The following KCNB2 variants were observed in gnomAD, a reference collection of about 807,000 sequenced individuals.
The protein encoded by KCNB2 is potassium voltage-gated channel subfamily B member 2.
In KCNB2, 15 loss-of-function variants were observed where a neutral mutation model predicts 61.5. The observed-to-expected ratio is 0.24, with a 90% CI of 0.16 to 0.38. The LOEUF is 0.38. Among genes scored for constraint, KCNB2 ranks in the 10% least tolerant of loss-of-function variants. The pLI is 1.00. For missense variants in KCNB2, 828 were observed against 1,125.2 expected (o/e 0.74, Z 3.78); for synonymous variants, 457 against 446.0 (o/e 1.02, Z -0.31).
At chr8:72,693,470 A>G (rs1806971245) in intron 2 of KCNB2, among the ~76,000 whole-genome samples, 1 of 152,182 alleles carries the variant, frequency 6.6e-6, no homozygotes, top group East Asian at 1.9e-4. Flanking sequence ...TACAGGGAGC[A>G]TAAATCCTAT....
At chr8:72,893,360 T>A (rs568332780) in intron 2 of KCNB2, among the ~76,000 whole-genome samples, 1 of 152,338 alleles carries the variant, frequency 6.6e-6, no homozygotes, top group East Asian at 1.9e-4. Flanking sequence ...CTCTGTCAAG[T>A]ATTTTATAAC....
intron 2 of KCNB2, among the ~76,000 whole-genome samples, chr8:72,872,871 G>A (rs1237052048): frequency 6.6e-6 from 1 of 152,198 alleles, no homozygotes; most frequent in Non-Finnish European, 1.5e-5. Flanking sequence ...GTGTGGGCCA[G>A]CTCTGTCCTA....
intron 2 of KCNB2, among the ~76,000 whole-genome samples, chr8:72,595,133 T>G (rs1807167237): frequency 6.6e-6 from 1 of 151,934 alleles, no homozygotes; most frequent in Admixed American, 6.6e-5. Flanking sequence ...CAACAAGTCC[T>G]AACTCCCTAA....
At chr8:72,870,893 C>T (rs1454221751) in intron 2 of KCNB2, among the ~76,000 whole-genome samples, 1 of 152,192 alleles carries the variant, frequency 6.6e-6, no homozygotes. Flanking sequence ...GAGAGGATCA[C>T]TTGAGCCTGG....
Position 72,689,226 on chromosome 8 carries a change from G to A in KCNB2, c.579+120913G>A, listed in dbSNP as rs75917068. On this transcript the variant is annotated intron_variant, in intron 2 of 2. Transcript: ENST00000523207. ...CTAACTGTTATGTGACAAGCACTGA[G>A]CTTAGCAGTATAGAGAGAAAGTCAT... Among the ~76,000 whole-genome samples, 707 of 152,234 alleles carry A rather than the reference G, an allele frequency of 4.6e-3. 7 individuals carry two copies. Among genetic ancestry groups the A allele is most frequent in the African/African-American group, 0.016 (676 of 41,552 alleles).
At chr8:72,904,810 C>T (rs1806147056) in intron 2 of KCNB2, among the ~76,000 whole-genome samples, 2 of 151,942 alleles carry the variant, frequency 1.3e-5, no homozygotes, top group South Asian at 4.2e-4. Flanking sequence ...TGCTCAAATG[C>T]CTCCCCACCC....
At chr8:72,837,833 T>A (rs1212842595) in intron 2 of KCNB2, among the ~76,000 whole-genome samples, 2 of 150,080 alleles carry the variant, frequency 1.3e-5, no homozygotes, top group Non-Finnish European at 3.0e-5. Flanking sequence ...CAATCCTTTT[T>A]TTAAAAAAAA....
At chr8:72,869,242 A>T (rs1029296682) in intron 2 of KCNB2, among the ~76,000 whole-genome samples, 3 of 152,198 alleles carry the variant, frequency 2.0e-5, no homozygotes, top group African/African-American at 7.2e-5. Context: ...TCCAGACCAG[A>T]TAGAGGGGTT....
In KCNB2 at chr8:72,888,994, A is replaced by T. The variant is rs181004289; in HGVS notation, c.580-46941A>T. Among the ~76,000 whole-genome samples the T allele has an allele frequency of 3.6e-4, 55 of 152,290 alleles. No homozygotes were observed. In the East Asian group the frequency reaches 7.9e-3, roughly 22 times the overall value. On this transcript the variant is annotated intron_variant, in intron 2 of 2. Transcript: ENST00000523207. The stretch of plus-strand genomic sequence containing the variant: ...ACTAACTCTGGGACTCGGAAAATCT[A>T]CTGCAGGATCTGTCACCTGAAGGAA...
chr8:72,887,797 GCT>G (rs1805830336), intron 2 of KCNB2, among the ~76,000 whole-genome samples: 1 of 152,150 alleles, frequency 6.6e-6, no homozygotes, highest in Admixed American at 6.5e-5. Context: ...GTCAACTCCA[GCT>G]CTGAAACCCC....
intron 1 of KCNB2, among the ~76,000 whole-genome samples, chr8:72,538,844 A>G (rs1484873149): frequency 6.6e-6 from 1 of 152,180 alleles, no homozygotes; most frequent in Non-Finnish European, 1.5e-5. Context: ...GTTATTGTTA[A>G]ATGTGTAGTA....
intron 2 of KCNB2, among the ~76,000 whole-genome samples, chr8:72,824,521 C>T (rs975498987): frequency 2.6e-5 from 4 of 152,096 alleles, no homozygotes; most frequent in Admixed American, 2.0e-4. Flanking sequence ...TAAAACAAGC[C>T]TCTTGGGTGG....
In KCNB2 at chr8:72,553,356, T is replaced by A. The variant is rs200334733; in HGVS notation, c.-93-14286T>A. 2.8e-4 allele frequency among the ~76,000 whole-genome samples: 43 copies of A among 152,174 alleles called. No individual in the cohort carries two copies. The Middle Eastern group carries it at 0.01, about 36-fold the overall frequency. ...TTCCACAAATAAAAAAACTTTCCAATGAGGAAATACCAGAATAAGAATGTG... is the reference window on the plus strand; with the variant it reads ...TTCCACAAATAAAAAAACTTTCCAAAGAGGAAATACCAGAATAAGAATGTG... On this transcript the variant is annotated intron_variant, in intron 1 of 2. Transcript: ENST00000523207.
At chr8:72,611,874 G>A (rs115276262) in intron 2 of KCNB2, among the ~76,000 whole-genome samples, 2,122 of 151,618 alleles carry the variant, frequency 0.014, 50 homozygotes, top group African/African-American at 0.047. Context: ...CACTTTCTTC[G>A]TTTTCAAATG....
intron 2 of KCNB2, among the ~76,000 whole-genome samples, chr8:72,700,108 C>T (rs901840350): frequency 2.6e-5 from 4 of 152,108 alleles, no homozygotes; most frequent in African/African-American, 9.7e-5. Flanking sequence ...GAAAACCAAA[C>T]ACCACATGTT....
At chr8:72,675,307 T>C (rs1806634326) in intron 2 of KCNB2, among the ~76,000 whole-genome samples, 1 of 152,164 alleles carries the variant, frequency 6.6e-6, no homozygotes, top group African/African-American at 2.4e-5. Context: ...TTCAAAGCAA[T>C]ATTGAAGAAA....
At chr8:72,835,021 T>G (rs1809759593) in intron 2 of KCNB2, among the ~76,000 whole-genome samples, 1 of 152,154 alleles carries the variant, frequency 6.6e-6, no homozygotes. Context: ...GGCTCATTCC[T>G]CCTGTTCCAA....
chr8:72,689,852 A>C (rs1585831944), intron 2 of KCNB2, among the ~76,000 whole-genome samples: 1 of 152,172 alleles, frequency 6.6e-6, no homozygotes, highest in East Asian at 1.9e-4. Flanking sequence ...ATTAAAAAAA[A>C]ACTTCTTCTG....
At chr8:72,546,929 G>A (rs1368780868) in intron 1 of KCNB2, among the ~76,000 whole-genome samples, 1 of 152,202 alleles carries the variant, frequency 6.6e-6, no homozygotes, top group African/African-American at 2.4e-5. Context: ...CATAGCTAGA[G>A]AGAAGAAGTC....
Sources: allele counts gnomAD v4.1 joint callset (sites outside exome capture counted in the v4.1 genomes callset), GRCh38; gene constraint gnomAD v4.1.1; transcripts MANE v1.5; gene names NCBI Gene and HGNC (gene_info 2026-07-23, HGNC 2026-07-21).